The following TMEM117 variants were observed in gnomAD, a reference collection of about 807,000 sequenced individuals.
TMEM117 encodes transmembrane protein 117.
In TMEM117, 27 loss-of-function variants were observed where a neutral mutation model predicts 52.4. That is an observed-to-expected ratio of 0.51 (90% confidence interval 0.38 to 0.71). The LOEUF is 0.71. Ranked by LOEUF, TMEM117 falls within the 30% of genes least tolerant of loss-of-function variation. The pLI is 0.00. For synonymous variants in TMEM117, 215 were observed against 206.3 expected, an observed-to-expected ratio of 1.04 and a Z score of -0.36; for missense variants, 556 against 630.5, an observed-to-expected ratio of 0.88 and a Z score of 1.26.
At chr12:44,075,087 T>A (rs1029294637) in intron 3 of TMEM117, among the ~76,000 whole-genome samples, 1 of 152,240 alleles carries the variant, frequency 6.6e-6, no homozygotes, top group African/African-American at 2.4e-5. Context: ...CTGATTTTTT[T>A]AGACTGGCTT....
rs141292144 is a variant in TMEM117 at position 43,921,448 on chromosome 12, G to C, written c.278-22762G>C. Among the ~76,000 whole-genome samples the C allele has an allele frequency of 4.6e-5, 7 of 152,276 alleles. No individual in the cohort carries two copies. The East Asian group carries it at 1.4e-3, about 29-fold the overall frequency. ...ATCCTAGATATCCCACTTGCTAGCT[G>C]TATGACCTTAGAGAAATCAAGTAAT... is the stretch of plus-strand genomic sequence containing the variant. On this transcript the variant is annotated intron_variant, in intron 2 of 7. Coordinates refer to ENST00000266534, the MANE Select transcript of TMEM117 (RefSeq NM_032256.3).
At chr12:44,341,597 T>C (rs2138752447) in intron 6 of TMEM117, among the ~76,000 whole-genome samples, 1 of 152,244 alleles carries the variant, frequency 6.6e-6, no homozygotes. Flanking sequence ...GGTGTTAGTC[T>C]TGCTCTGCTC....
intron 3 of TMEM117, among the ~76,000 whole-genome samples, chr12:44,111,783 ATCTG>A (rs1948060903): frequency 7.0e-6 from 1 of 142,696 alleles, no homozygotes; most frequent in South Asian, 2.1e-4. Flanking sequence ...TGTCTTGTTG[ATCTG>A]TCTAACGTTG....
intron 5 of TMEM117, among the ~76,000 whole-genome samples, chr12:44,259,081 A>G (rs1456003087): frequency 6.6e-6 from 1 of 152,142 alleles, no homozygotes; most frequent in East Asian, 1.9e-4. Context: ...CACTTTTCAT[A>G]TTAGTGTTCT....
At chr12:44,385,662 C>T (rs368181205) in intron 7 of TMEM117, among the ~76,000 whole-genome samples, 3 of 152,232 alleles carry the variant, frequency 2.0e-5, no homozygotes, top group Admixed American at 6.5e-5. Context: ...GGACCTCTTC[C>T]CCCACCATCT....
rs146381424 is a variant in TMEM117, at chr12:44,027,741, C to T, written c.410+83399C>T. On this transcript the variant is annotated intron_variant, in intron 3 of 7. Coordinates refer to ENST00000266534, the MANE Select transcript of TMEM117 (RefSeq NM_032256.3). Reference sequence around the variant, plus strand: ...TTATATTCTAGGACTTTAGAACTATCGTTTGATTGTTAGGATACCTTACAA... The same window carrying T: ...TTATATTCTAGGACTTTAGAACTATTGTTTGATTGTTAGGATACCTTACAA... 4.7e-3 allele frequency among the ~76,000 whole-genome samples: 715 copies of T among 152,244 alleles called. 7 individuals are homozygous for T. Among genetic ancestry groups the T allele is most frequent in the African/African-American group, 0.016 (669 of 41,550 alleles).
chr12:44,371,151 C>G (rs908349889), intron 6 of TMEM117, among the ~76,000 whole-genome samples: 2 of 152,144 alleles, frequency 1.3e-5, no homozygotes, highest in Non-Finnish European at 2.9e-5. Context: ...CCACTGCTCA[C>G]TGTCATCTGA....
the TMEM117 span, among the ~76,000 whole-genome samples, chr12:43,812,000 A>C: frequency 1.3e-5 from 2 of 152,344 alleles, no homozygotes; most frequent in South Asian, 2.1e-4. Flanking sequence ...AGATACATAT[A>C]TCTTCTGAAT....
intron 3 of TMEM117, among the ~76,000 whole-genome samples, chr12:43,980,412 C>T (rs1311351149): frequency 6.6e-6 from 1 of 152,110 alleles, no homozygotes; most frequent in African/African-American, 2.4e-5. Flanking sequence ...TTCTAGGAAC[C>T]ATGGGATATG....
At chr12:44,192,787 C>T (rs1337671105) in intron 4 of TMEM117, among the ~76,000 whole-genome samples, 1 of 152,168 alleles carries the variant, frequency 6.6e-6, no homozygotes, top group Non-Finnish European at 1.5e-5. Flanking sequence ...TGTACTGTGA[C>T]ACTGAACCAG....
intron 4 of TMEM117, among the ~76,000 whole-genome samples, chr12:44,189,645 C>A (rs533054083): frequency 1.3e-5 from 2 of 152,216 alleles, no homozygotes; most frequent in South Asian, 4.1e-4. Flanking sequence ...ACTTAAAGAT[C>A]GTTTACGTAA....
intron 2 of TMEM117, among the ~76,000 whole-genome samples, chr12:43,932,696 G>A (rs1944890597): frequency 6.6e-6 from 1 of 152,082 alleles, no homozygotes; most frequent in African/African-American, 2.4e-5. Flanking sequence ...GGATTAAAAA[G>A]CATAGCAACT....
intron 5 of TMEM117, among the ~76,000 whole-genome samples, chr12:44,240,050 G>C (rs1950043169): frequency 6.6e-6 from 1 of 152,044 alleles, no homozygotes; most frequent in African/African-American, 2.4e-5. Context: ...GAAATTAAAA[G>C]GTATTTGGGT....
intron 6 of TMEM117, among the ~76,000 whole-genome samples, chr12:44,339,282 A>G (rs1460656830): frequency 1.3e-5 from 2 of 151,976 alleles, no homozygotes; most frequent in East Asian, 3.9e-4. Context: ...GCTCAAAGAA[A>G]TCCTGGGAAA....
At chr12:43,898,152 A>G (rs1312724283) in intron 2 of TMEM117, among the ~76,000 whole-genome samples, 1 of 152,000 alleles carries the variant, frequency 6.6e-6, no homozygotes, top group African/African-American at 2.4e-5. Context: ...TCAAAACAGA[A>G]TTCCTCATCT....
At chr12:44,289,997 G>T (rs1246270761) in intron 5 of TMEM117, among the ~76,000 whole-genome samples, 1 of 152,092 alleles carries the variant, frequency 6.6e-6, no homozygotes, top group Non-Finnish European at 1.5e-5. Context: ...TTGGGCATTT[G>T]TATGTTTTCT....
At chr12:43,906,461 T>C (rs1307952234) in intron 2 of TMEM117, among the ~76,000 whole-genome samples, 2 of 42,386 alleles carry the variant, frequency 4.7e-5, no homozygotes, top group Admixed American at 2.8e-4. Flanking sequence ...AGACGCTGTC[T>C]CAAAAAAAAA....
intron 3 of TMEM117, among the ~76,000 whole-genome samples, chr12:44,029,978 G>A (rs954553000): frequency 9.9e-5 from 15 of 152,096 alleles, no homozygotes; most frequent in African/African-American, 3.4e-4. Flanking sequence ...TCAATTCCTG[G>A]TTTAGAGATG....
intron 4 of TMEM117, among the ~76,000 whole-genome samples, chr12:44,156,489 A>C (rs890302105): frequency 6.6e-6 from 1 of 152,042 alleles, no homozygotes. Context: ...AAGACTACTG[A>C]TGCCTGTGTC....
Sources: gnomAD v4.1 joint callset for allele counts (sites outside exome capture counted in the v4.1 genomes callset) on GRCh38, gnomAD v4.1.1 for gene constraint, MANE v1.5 for transcripts, NCBI Gene and HGNC (gene_info 2026-07-23, HGNC 2026-07-21) for gene names.